The following OR2L13 variants were observed in gnomAD, a reference collection of about 807,000 sequenced individuals.
OR2L13 encodes the protein olfactory receptor family 2 subfamily L member 13.
A neutral mutation model predicts 15.3 loss-of-function variants in OR2L13; 14 were observed. The observed-to-expected ratio is 0.91, with a 90% CI of 0.60 to 1.43. The LOEUF is 1.43. Among genes scored for constraint, OR2L13 ranks in the 40% most tolerant of loss-of-function variants. The probability of loss-of-function intolerance (pLI) is 0.00; values close to 1 mark genes in which losing one functional copy is unlikely to be tolerated. For synonymous variants in OR2L13, 152 were observed against 142.9 expected, an observed-to-expected ratio of 1.06 and a Z score of -0.45; for missense variants, 367 against 387.9, an observed-to-expected ratio of 0.95 and a Z score of 0.45.
the OR2L13 span, among the ~76,000 whole-genome samples, chr1:247,993,800 A>AGAGAGAGAGAGAGG: frequency 7.3e-6 from 1 of 137,000 alleles, no homozygotes; most frequent in Non-Finnish European, 1.5e-5. Context: ...AGAGAGAGAG[A>AGAGAGAGAGAGAGG]GAGAGAGAGA....
At chr1:247,984,367 T>A in the OR2L13 span, among the ~76,000 whole-genome samples, 1 of 152,230 alleles carries the variant, frequency 6.6e-6, no homozygotes, top group East Asian at 1.9e-4. Flanking sequence ...ACTATAACTA[T>A]CTCATGGAAA....
the OR2L13 span, among the ~76,000 whole-genome samples, chr1:247,978,786 C>A: frequency 3.9e-4 from 59 of 151,838 alleles, no homozygotes; most frequent in Admixed American, 1.4e-3. Flanking sequence ...CCTTGTGTTG[C>A]GTAGGAGCTC....
At chr1:247,956,241 A>G in the OR2L13 span, among the ~76,000 whole-genome samples, 1 of 152,156 alleles carries the variant, frequency 6.6e-6, no homozygotes, top group African/African-American at 2.4e-5. Context: ...ATTGTCAAAG[A>G]TCAGAGAGTT....
the OR2L13 span, among the ~76,000 whole-genome samples, chr1:248,042,815 C>A: frequency 6.6e-6 from 1 of 152,318 alleles, no homozygotes; most frequent in South Asian, 2.1e-4. Context: ...TCCTCATCCT[C>A]TCTTCACTAA....
At chr1:247,986,629 T>TTTTTTCC in the OR2L13 span, among the ~76,000 whole-genome samples, 1 of 152,182 alleles carries the variant, frequency 6.6e-6, no homozygotes, top group African/African-American at 2.4e-5. Flanking sequence ...TTTAAAGTAG[T>TTTTTTCC]TTTTTCCAAT....
the OR2L13 span, chr1:247,990,879 T>C: frequency 2.0e-6 from 3 of 1,502,276 alleles, no homozygotes; most frequent in Non-Finnish European, 2.8e-6. Context: ...GCACCACCAT[T>C]TTTCTTGTGT....
chr1:248,003,911 C>T, the OR2L13 span: 1 of 1,613,074 alleles, frequency 6.2e-7, no homozygotes, highest in Non-Finnish European at 8.5e-7. Flanking sequence ...CTATCTACGT[C>T]CAAGATCCCT....
At chr1:248,069,053 G>A in the OR2L13 span, among the ~76,000 whole-genome samples, 1 of 152,308 alleles carries the variant, frequency 6.6e-6, no homozygotes, top group Admixed American at 6.5e-5. Flanking sequence ...ACACTCAGCA[G>A]TATATTATCC....
At chr1:248,051,696 C>T in the OR2L13 span, among the ~76,000 whole-genome samples, 2 of 152,040 alleles carry the variant, frequency 1.3e-5, no homozygotes, top group Non-Finnish European at 2.9e-5. Flanking sequence ...GCAACATATC[C>T]ATGTAACAAA....
At chr1:248,040,841 A>G in the OR2L13 span, 5 of 152,154 alleles carry the variant, frequency 3.3e-5, no homozygotes, top group Admixed American at 6.5e-5. Context: ...AGTCATCTGT[A>G]CTACAATTGG....
the OR2L13 span, among the ~76,000 whole-genome samples, chr1:248,066,595 T>C: frequency 6.6e-6 from 1 of 152,206 alleles, no homozygotes; most frequent in Non-Finnish European, 1.5e-5. Flanking sequence ...TGGGACTTAA[T>C]CTCAGCTATT....
At chr1:248,074,058 A>T in the OR2L13 span, among the ~76,000 whole-genome samples, 1 of 152,154 alleles carries the variant, frequency 6.6e-6, no homozygotes, top group Non-Finnish European at 1.5e-5. Context: ...CTAGCCAAAA[A>T]GCAAGAAAAA....
At chr1:248,051,824 T>A in the OR2L13 span, among the ~76,000 whole-genome samples, 1 of 152,308 alleles carries the variant, frequency 6.6e-6, no homozygotes, top group Admixed American at 6.5e-5. Flanking sequence ...AATTGTTGGA[T>A]CATATACTTA....
chr1:248,026,837 A>G, the OR2L13 span, among the ~76,000 whole-genome samples: 5 of 152,148 alleles, frequency 3.3e-5, no homozygotes, highest in Non-Finnish European at 7.3e-5. Flanking sequence ...CATCATCTTC[A>G]TAAACTGAGG....
the OR2L13 span, among the ~76,000 whole-genome samples, chr1:248,088,849 C>T: frequency 2.0e-5 from 3 of 152,118 alleles, no homozygotes; most frequent in African/African-American, 4.8e-5. Flanking sequence ...AGATATCAAC[C>T]AGTTTTATAC....
the OR2L13 span, among the ~76,000 whole-genome samples, chr1:248,001,562 TAA>T: frequency 1.3e-5 from 2 of 151,446 alleles, no homozygotes; most frequent in African/African-American, 4.8e-5. Context: ...TTTCTGTAAA[TAA>T]AAAAAATAAT....
the OR2L13 span, among the ~76,000 whole-genome samples, chr1:247,943,107 T>C: frequency 6.6e-6 from 1 of 152,220 alleles, no homozygotes; most frequent in African/African-American, 2.4e-5. Context: ...CTTCTGTAGA[T>C]GAGCACTTTC....
chr1:247,959,018 A>G, the OR2L13 span, among the ~76,000 whole-genome samples: 1 of 152,056 alleles, frequency 6.6e-6, no homozygotes, highest in Non-Finnish European at 1.5e-5. Flanking sequence ...TCGTTAGTTG[A>G]TGTAGTTTCT....
chr1:248,023,420 T>C, the OR2L13 span: 1 of 152,350 alleles, frequency 6.6e-6, no homozygotes, highest in Non-Finnish European at 1.5e-5. Context: ...AATTTCTTTA[T>C]AAAAGATTCT....
Sources: allele counts gnomAD v4.1 joint callset (sites outside exome capture counted in the v4.1 genomes callset), GRCh38; gene constraint gnomAD v4.1.1; transcripts MANE v1.5; gene names NCBI Gene and HGNC (gene_info 2026-07-23, HGNC 2026-07-21).